Variants in ARK2N observed in about 807,000 individuals in gnomAD.
ARK2N encodes the protein protein ARK2N.
chr18:46,260,033 A>G, the ARK2N span, among the ~76,000 whole-genome samples: 1 of 151,316 alleles, frequency 6.6e-6, no homozygotes, highest in Non-Finnish European at 1.5e-5. Context: ...TCTGACTTTT[A>G]TTGATAGTTT....
At chr18:46,265,898 G>C in the ARK2N span, 1 of 143,190 alleles carries the variant, frequency 7.0e-6, no homozygotes. Flanking sequence ...GTGGGTCACA[G>C]ATTGGTTTAT....
At chr18:46,177,423 T>C in the ARK2N span, among the ~76,000 whole-genome samples, 1 of 134,122 alleles carries the variant, frequency 7.5e-6, no homozygotes, top group African/African-American at 2.7e-5. Context: ...TCTTTCTTTT[T>C]TTCTTTACTT....
the ARK2N span, chr18:46,228,806 A>G: frequency 9.5e-5 from 38 of 398,504 alleles, no homozygotes; most frequent in African/African-American, 7.8e-4. Context: ...CCTGGGCTTA[A>G]GCGATCTGCA....
the ARK2N span, among the ~76,000 whole-genome samples, chr18:46,211,523 A>G: frequency 6.6e-6 from 1 of 152,170 alleles, no homozygotes; most frequent in Non-Finnish European, 1.5e-5. Flanking sequence ...TCACAATAAG[A>G]TTGACTGTGA....
At chr18:46,229,759 A>G in the ARK2N span, among the ~76,000 whole-genome samples, 1 of 151,694 alleles carries the variant, frequency 6.6e-6, no homozygotes, top group East Asian at 1.9e-4. Context: ...GTGTGCCACC[A>G]TGTCTGGCTA....
the ARK2N span, among the ~76,000 whole-genome samples, chr18:46,180,790 TC>T: frequency 6.6e-6 from 1 of 152,060 alleles, no homozygotes; most frequent in Admixed American, 6.6e-5. Flanking sequence ...TTTCTGAGTT[TC>T]CTTCCTGCTC....
chr18:46,215,707 C>T, the ARK2N span: 1 of 558,308 alleles, frequency 1.8e-6, no homozygotes. Context: ...TTTTAAAGGC[C>T]TGTGTAATAG....
At chr18:46,187,029 T>C in the ARK2N span, among the ~76,000 whole-genome samples, 1 of 151,308 alleles carries the variant, frequency 6.6e-6, no homozygotes, top group African/African-American at 2.4e-5. Flanking sequence ...AAATTTTGTG[T>C]TTTTGTTAGA....
At chr18:46,240,004 G>C in the ARK2N span, 1 of 1,613,742 alleles carries the variant, frequency 6.2e-7, no homozygotes, top group Non-Finnish European at 8.5e-7. Context: ...TTCCTCCCTA[G>C]ATGGACCTCC....
chr18:46,175,116 C>G, the ARK2N span, among the ~76,000 whole-genome samples: 1 of 151,034 alleles, frequency 6.6e-6, no homozygotes, highest in Admixed American at 6.6e-5. Flanking sequence ...TTGTCCACCC[C>G]CCCGCCCCGA....
the ARK2N span, among the ~76,000 whole-genome samples, chr18:46,253,212 A>G: frequency 6.6e-6 from 1 of 152,162 alleles, no homozygotes; most frequent in Admixed American, 6.5e-5. Flanking sequence ...TACTTCTATT[A>G]TTCTATATGT....
At chr18:46,237,767 A>T in the ARK2N span, among the ~76,000 whole-genome samples, 1 of 152,192 alleles carries the variant, frequency 6.6e-6, no homozygotes, top group African/African-American at 2.4e-5. Flanking sequence ...AAGATCCTTA[A>T]TTGTGGCTTC....
chr18:46,215,861 AT>A, the ARK2N span: 1 of 1,600,794 alleles, frequency 6.2e-7, no homozygotes, highest in African/African-American at 1.3e-5. Context: ...CTACTCCATG[AT>A]TTAACTTGAA....
the ARK2N span, chr18:46,232,039 CTGATT>C: frequency 6.7e-4 from 102 of 152,252 alleles, no homozygotes; most frequent in African/African-American, 2.4e-3. Context: ...AGCGCTCAGT[CTGATT>C]TATTTCTTAA....
chr18:46,186,054 A>AG, the ARK2N span, among the ~76,000 whole-genome samples: 7 of 151,370 alleles, frequency 4.6e-5, no homozygotes, highest in African/African-American at 7.3e-5. Flanking sequence ...TTGGACAGGG[A>AG]GGGGGGGCAT....
At chr18:46,246,514 A>G in the ARK2N span, among the ~76,000 whole-genome samples, 3 of 152,184 alleles carry the variant, frequency 2.0e-5, no homozygotes, top group African/African-American at 4.8e-5. Flanking sequence ...AGGCTCTGAC[A>G]GGAAATTTGG....
chr18:46,212,011 A>G, the ARK2N span, among the ~76,000 whole-genome samples: 1 of 152,210 alleles, frequency 6.6e-6, no homozygotes. Context: ...TATGTATGAC[A>G]TCATTTCCCC....
the ARK2N span, among the ~76,000 whole-genome samples, chr18:46,258,038 TGCCTCA>T: frequency 4.6e-5 from 7 of 152,048 alleles, no homozygotes; most frequent in Non-Finnish European, 7.4e-5. Flanking sequence ...GCAATTCTCC[TGCCTCA>T]GCCTCCCAAG....
chr18:46,223,635 A>G, the ARK2N span, among the ~76,000 whole-genome samples: 79 of 152,346 alleles, frequency 5.2e-4, no homozygotes, highest in East Asian at 1.9e-3. Context: ...GCATTTCATA[A>G]GAGCATTATT....
Sources: allele counts gnomAD v4.1 joint callset (sites outside exome capture counted in the v4.1 genomes callset), GRCh38; gene constraint gnomAD v4.1.1; transcripts MANE v1.5; gene names NCBI Gene and HGNC (gene_info 2026-07-23, HGNC 2026-07-21).